KLHL4: variants seen among roughly 807,000 people sequenced by gnomAD.
KLHL4 encodes the protein kelch like family member 4, also known as kelch-like protein 4.
Under a neutral mutation model 45.8 loss-of-function variants are expected in KLHL4, and 17 were observed. That is an observed-to-expected ratio of 0.37 (90% CI 0.25 to 0.56). The LOEUF is 0.56. Among genes scored for constraint, KLHL4 ranks in the 20% least tolerant of loss-of-function variants. The probability of loss-of-function intolerance (pLI) is 0.79; values close to 1 mark genes in which losing one functional copy is unlikely to be tolerated. For synonymous variants in KLHL4, 224 were observed against 189.9 expected (o/e 1.18, Z -1.47); for missense variants, 544 against 544.9 (o/e 1.00, Z 0.02).
intron 1 of KLHL4, among the ~76,000 whole-genome samples, chrX:87,592,736 C>A (rs892752296): frequency 1.8e-4 from 20 of 112,263 alleles, no homozygotes; most frequent in Non-Finnish European, 1.3e-4. Context: ...CTATTCAGTT[C>A]TTTTGCCTAT....
chrX:87,585,892 A>G (rs1456345736), intron 1 of KLHL4, among the ~76,000 whole-genome samples: 2 of 111,453 alleles, frequency 1.8e-5, no homozygotes, highest in Non-Finnish European at 3.8e-5. Context: ...AGTTTTACCT[A>G]TAAAGACACA....
chrX:87,577,103 C>G (rs907994350), intron 1 of KLHL4, among the ~76,000 whole-genome samples: 1 of 111,422 alleles, frequency 9.0e-6, no homozygotes, highest in Admixed American at 9.6e-5. Context: ...GGAAATTTTG[C>G]CACTAAGTAA....
Position 87,666,683 on chromosome X carries a change from C to G in KLHL4, c.*149C>G, listed in dbSNP as rs998702854. On this transcript the variant is annotated 3_prime_UTR_variant, in exon 11 of 11. Transcript: ENST00000373119. ...TCATTTTAATTTGTAGTTACAATTG[C>G]TTTCATTCGTGAAGCCGAAACGTTT... is the stretch of plus-strand genomic sequence containing the variant. 3 of 984,953 alleles carry G rather than the reference C, an allele frequency of 3.0e-6. No homozygotes were observed. In the African/African-American group the frequency reaches 5.9e-5, roughly 20 times the overall value. The allele number at this position is 984,953 out of a possible 1,213,427, so 81.2% of individuals were successfully genotyped here. A position where few individuals can be genotyped will look rare whatever the true frequency, so the allele number is the denominator to read the frequency against.
intron 5 of KLHL4, among the ~76,000 whole-genome samples, chrX:87,624,963 A>G (rs1281907987): frequency 8.9e-6 from 1 of 112,260 alleles, no homozygotes; most frequent in Non-Finnish European, 1.9e-5. Flanking sequence ...TGTTTGCATG[A>G]CCACCACTAC....
chrX:87,599,730 G>T (rs149964885), intron 1 of KLHL4, among the ~76,000 whole-genome samples: 1 of 111,073 alleles, frequency 9.0e-6, no homozygotes, highest in Non-Finnish European at 1.9e-5. Context: ...TGCTTTGAAT[G>T]AGCATTTTTA....
chrX:87,550,370 TACCA>T (rs1931783974), intron 1 of KLHL4, among the ~76,000 whole-genome samples: 1 of 110,662 alleles, frequency 9.0e-6, no homozygotes, highest in Non-Finnish European at 1.9e-5. Context: ...ATTTAATAAT[TACCA>T]ACAAAAAAAA....
chrX:87,535,262 A>C (rs12559263), intron 1 of KLHL4, among the ~76,000 whole-genome samples: 28,785 of 110,687 alleles, frequency 0.26, 3,074 homozygotes, highest in East Asian at 0.52. Context: ...GGACTATCAG[A>C]CAAATTTCCT....
intron 1 of KLHL4, among the ~76,000 whole-genome samples, chrX:87,536,541 T>C (rs909567661): frequency 4.5e-5 from 5 of 110,257 alleles, no homozygotes; most frequent in African/African-American, 1.3e-4. Flanking sequence ...AATTTACTTG[T>C]TCCACTAAAT....
chrX:87,659,113 C>CTTTTTTTTTTTTTTTTTTTTTTT (rs1178733729), intron 9 of KLHL4, among the ~76,000 whole-genome samples: 11 of 45,101 alleles, frequency 2.4e-4, no homozygotes, highest in Admixed American at 3.5e-4. Flanking sequence ...TCTTTTCTTT[C>CTTTTTTTTTTTTTTTTTTTTTTT]TTTTTTTTTT....
intron 1 of KLHL4, among the ~76,000 whole-genome samples, chrX:87,551,854 T>C (rs995506855): frequency 2.7e-5 from 3 of 111,467 alleles, no homozygotes; most frequent in African/African-American, 9.8e-5. Context: ...AGCCACATGT[T>C]GGAGAATGAA....
intron 5 of KLHL4, among the ~76,000 whole-genome samples, chrX:87,623,162 C>T (rs950957310): frequency 1.8e-5 from 2 of 110,702 alleles, no homozygotes; most frequent in Non-Finnish European, 3.8e-5. Flanking sequence ...AAAACAGAGA[C>T]GTATAGATTT....
intron 5 of KLHL4, among the ~76,000 whole-genome samples, chrX:87,624,217 T>C (rs1428830092): frequency 8.9e-6 from 1 of 112,373 alleles, no homozygotes; most frequent in Non-Finnish European, 1.9e-5. Context: ...AGTACCGTGG[T>C]AGCCCACCTC....
intron 9 of KLHL4, among the ~76,000 whole-genome samples, chrX:87,640,238 T>A (rs7061265): frequency 9.0e-6 from 1 of 111,030 alleles, no homozygotes; most frequent in African/African-American, 3.3e-5. Context: ...CCAGATGAAA[T>A]CACAGGTGAA....
chrX:87,556,085 A>T (rs1417354741), intron 1 of KLHL4, among the ~76,000 whole-genome samples: 1 of 111,043 alleles, frequency 9.0e-6, no homozygotes, highest in Non-Finnish European at 1.9e-5. Flanking sequence ...TCTGAGAGAC[A>T]GTTTGTTATA....
rs549253625 is a variant in KLHL4 at position 87,621,497 on chromosome X, T to A, written c.925-714T>A. On this transcript the variant is annotated intron_variant, in intron 4 of 10. Coordinates refer to ENST00000373119, the MANE Select transcript of KLHL4 (RefSeq NM_019117.5). ...TATAATATATAAATTTATTATTATT[T>A]TTTTTGAGAAGGAGCTTCACTCTAC... is the stretch of plus-strand genomic sequence containing the variant. Among the ~76,000 whole-genome samples, 19 of 94,460 alleles carry A rather than the reference T, an allele frequency of 2.0e-4. 1 individual carries two copies. The South Asian group carries it at 8.7e-3, about 43-fold the overall frequency. The allele number at this position is 94,460 out of a possible 115,157, so 82.0% of individuals were successfully genotyped here.
intron 9 of KLHL4, among the ~76,000 whole-genome samples, chrX:87,651,860 C>T (rs774918749): frequency 6.2e-5 from 7 of 112,534 alleles, no homozygotes; most frequent in African/African-American, 2.3e-4. Context: ...CTAGGTGATG[C>T]CCCAGTAGAG....
chrX:87,580,806 C>A (rs1159130340), intron 1 of KLHL4, among the ~76,000 whole-genome samples: 1 of 111,901 alleles, frequency 8.9e-6, no homozygotes, highest in African/African-American at 3.2e-5. Flanking sequence ...AATATCCAGA[C>A]AGAAAGTTAA....
rs368305942 is a variant in KLHL4 at position 87,564,135 on chromosome X, G to A, written c.422+45820G>A. Reference sequence around the variant, plus strand: ...AGTCACTGGTAATAGTAAGTACACCGACAAATACAGAATAGTATAACACTG... The same window carrying A: ...AGTCACTGGTAATAGTAAGTACACCAACAAATACAGAATAGTATAACACTG... On this transcript the variant is annotated intron_variant, in intron 1 of 10. Coordinates refer to ENST00000373119, the MANE Select transcript of KLHL4 (RefSeq NM_019117.5). Among the ~76,000 whole-genome samples, 11 of 111,127 alleles carry A rather than the reference G, an allele frequency of 9.9e-5. No individual in the cohort carries two copies. The East Asian group carries it at 1.7e-3, about 18-fold the overall frequency.
At chrX:87,599,624 C>A (rs747924787) in intron 1 of KLHL4, among the ~76,000 whole-genome samples, 7 of 104,963 alleles carry the variant, frequency 6.7e-5, no homozygotes, top group African/African-American at 2.5e-4. Flanking sequence ...GTTTAGGAAT[C>A]AGAAAAAAAT....
Sources: gnomAD v4.1 joint callset for allele counts (sites outside exome capture counted in the v4.1 genomes callset) on GRCh38, gnomAD v4.1.1 for gene constraint, MANE v1.5 for transcripts, NCBI Gene and HGNC (gene_info 2026-07-23, HGNC 2026-07-21) for gene names.